PDE4D: variants seen among roughly 807,000 people sequenced by gnomAD.
PDE4D encodes the protein phosphodiesterase 4D.
Under a neutral mutation model 87.4 loss-of-function variants are expected in PDE4D, and 24 were observed. The observed-to-expected ratio is 0.27, with a 90% CI of 0.20 to 0.39. The LOEUF (loss-of-function observed/expected upper bound fraction) is 0.39. Among genes scored for constraint, PDE4D ranks in the 10% least tolerant of loss-of-function variants. PDE4D has a pLI of 1.00. For missense variants in PDE4D, 714 were observed against 1,041.0 expected, an observed-to-expected ratio of 0.69 and a Z score of 4.32; for synonymous variants, 384 against 383.2, an observed-to-expected ratio of 1.00 and a Z score of -0.02.
chr5:59,812,845 C>G (rs2152680574), intron 1 of PDE4D, among the ~76,000 whole-genome samples: 1 of 152,316 alleles, frequency 6.6e-6, no homozygotes, highest in South Asian at 2.1e-4. Context: ...AAACAGCTGT[C>G]TCTGCCAGTA....
At chr5:59,688,996 T>C (rs976347428) in intron 1 of PDE4D, among the ~76,000 whole-genome samples, 2 of 152,120 alleles carry the variant, frequency 1.3e-5, no homozygotes, top group Admixed American at 6.6e-5. Flanking sequence ...CCTGGACACA[T>C]ACACCCTCCC....
At chr5:59,940,778 G>A (rs1370226162) in intron 3 of PDE4D, among the ~76,000 whole-genome samples, 1 of 152,106 alleles carries the variant, frequency 6.6e-6, no homozygotes, top group Non-Finnish European at 1.5e-5. Flanking sequence ...ATTAAAACTA[G>A]GTGTAGAGAT....
At chr5:60,520,945 A>C (rs1439182398) in intron 1 of PDE4D, 1 of 152,570 alleles carries the variant, frequency 6.6e-6, no homozygotes, top group Admixed American at 6.5e-5. Context: ...CCTAATCTGC[A>C]CTCATTCCTA....
intron 6 of PDE4D, among the ~76,000 whole-genome samples, chr5:59,029,209 G>A (rs185105077): frequency 1.8e-3 from 278 of 150,892 alleles, no homozygotes; most frequent in Non-Finnish European, 3.2e-3. Flanking sequence ...TCAGGAGATC[G>A]AGACCATCCT....
intron 1 of PDE4D, among the ~76,000 whole-genome samples, chr5:60,503,104 G>T (rs1750168355): frequency 6.6e-6 from 1 of 152,070 alleles, no homozygotes; most frequent in South Asian, 2.1e-4. Context: ...TTTTGATGAT[G>T]TGGATTGACT....
At chr5:60,243,989 G>T (rs180784054) in intron 1 of PDE4D, among the ~76,000 whole-genome samples, 3 of 151,744 alleles carry the variant, frequency 2.0e-5, no homozygotes, top group African/African-American at 7.3e-5. Flanking sequence ...CAGGGTATCC[G>T]AATTAGAAAG....
At chr5:59,181,872 A>C (rs1316597971) in intron 4 of PDE4D, among the ~76,000 whole-genome samples, 2 of 152,136 alleles carry the variant, frequency 1.3e-5, no homozygotes, top group African/African-American at 2.4e-5. Flanking sequence ...TGGAACCTGC[A>C]TGCACAGCCT....
At chr5:60,059,658 A>G (rs977799542) in intron 2 of PDE4D, among the ~76,000 whole-genome samples, 2 of 151,994 alleles carry the variant, frequency 1.3e-5, no homozygotes, top group Admixed American at 6.6e-5. Context: ...CACCACATGC[A>G]ATGAAGACAG....
chr5:60,123,030 C>G (rs943190066), intron 2 of PDE4D, among the ~76,000 whole-genome samples: 2 of 152,160 alleles, frequency 1.3e-5, no homozygotes, highest in African/African-American at 4.8e-5. Context: ...TAATAAGAAT[C>G]ACCTTTGCTA....
At chr5:60,413,135 A>G (rs145629262) in intron 1 of PDE4D, among the ~76,000 whole-genome samples, 1 of 152,288 alleles carries the variant, frequency 6.6e-6, no homozygotes, top group African/African-American at 2.4e-5. Context: ...CATAACGTTC[A>G]TGCTATCAAC....
chr5:60,425,151 A>G (rs37694), intron 1 of PDE4D, among the ~76,000 whole-genome samples: 62,874 of 152,040 alleles, frequency 0.41, 14,202 homozygotes, highest in South Asian at 0.59. Context: ...TCAAGCCACC[A>G]ATGACTTTCT....
intron 1 of PDE4D, among the ~76,000 whole-genome samples, chr5:59,446,768 G>A (rs917531232): frequency 6.6e-6 from 1 of 152,184 alleles, no homozygotes; most frequent in Non-Finnish European, 1.5e-5. Flanking sequence ...GGTAAGTTCT[G>A]CTGTGTTCTA....
At chr5:59,450,510 G>C (rs1464890661) in intron 1 of PDE4D, among the ~76,000 whole-genome samples, 2 of 152,102 alleles carry the variant, frequency 1.3e-5, no homozygotes, top group Non-Finnish European at 2.9e-5. Context: ...AGGCAAGGTG[G>C]CTGGTTTTTT....
chr5:59,546,936 T>C (rs1051963336), intron 1 of PDE4D, among the ~76,000 whole-genome samples: 6 of 152,146 alleles, frequency 3.9e-5, no homozygotes, highest in African/African-American at 1.2e-4. Flanking sequence ...AAAAGGCTAG[T>C]ATCAAAGCTA....
intron 3 of PDE4D, among the ~76,000 whole-genome samples, chr5:59,952,923 T>C (rs1023224283): frequency 6.6e-6 from 1 of 152,180 alleles, no homozygotes; most frequent in African/African-American, 2.4e-5. Context: ...TTGTTCAATT[T>C]CTTGACTCAC....
intron 5 of PDE4D, among the ~76,000 whole-genome samples, chr5:59,178,549 C>A (rs1346818660): frequency 6.6e-6 from 1 of 152,094 alleles, no homozygotes; most frequent in East Asian, 1.9e-4. Flanking sequence ...TGCTTAAGAT[C>A]AAGTGTGTGC....
intron 2 of PDE4D, among the ~76,000 whole-genome samples, chr5:59,194,867 T>C (rs1470639532): frequency 6.6e-6 from 1 of 152,208 alleles, no homozygotes; most frequent in Non-Finnish European, 1.5e-5. Context: ...ATGTTGATGT[T>C]TAATTGCCAT....
chr5:60,000,808 G>A (rs1171723330), intron 2 of PDE4D, among the ~76,000 whole-genome samples: 1 of 152,194 alleles, frequency 6.6e-6, no homozygotes, highest in African/African-American at 2.4e-5. Context: ...AAGGAGTAGA[G>A]TTTTGTATAG....
chr5:59,612,250 T>TTTGC (rs1829108942), intron 1 of PDE4D, among the ~76,000 whole-genome samples: 1 of 152,048 alleles, frequency 6.6e-6, no homozygotes, highest in Non-Finnish European at 1.5e-5. Context: ...TGTTTGTTTG[T>TTTGC]TTGTTTTAGA....
Sources: gnomAD v4.1 joint callset for allele counts (sites outside exome capture counted in the v4.1 genomes callset) on GRCh38, gnomAD v4.1.1 for gene constraint, MANE v1.5 for transcripts, NCBI Gene and HGNC (gene_info 2026-07-23, HGNC 2026-07-21) for gene names.